The following TTC39C variants were observed in gnomAD, a reference collection of about 807,000 sequenced individuals.
TTC39C encodes the protein tetratricopeptide repeat domain 39C.
TTC39C carries 33 observed loss-of-function variants against 76.3 expected under a neutral mutation model. That is an observed-to-expected ratio of 0.43 (90% CI 0.33 to 0.58). TTC39C has a LOEUF of 0.58. Among genes scored for constraint, TTC39C ranks in the 20% least tolerant of loss-of-function variants. The probability of loss-of-function intolerance (pLI) is 0.04; values close to 1 mark genes in which losing one functional copy is unlikely to be tolerated. For missense variants in TTC39C, 595 were observed against 701.4 expected (o/e 0.85, Z 1.71); for synonymous variants, 254 against 260.6 (o/e 0.97, Z 0.24).
intron 6 of TTC39C, among the ~76,000 whole-genome samples, chr18:24,107,010 C>A (rs1254995180): frequency 6.6e-6 from 1 of 152,098 alleles, no homozygotes; most frequent in Non-Finnish European, 1.5e-5. Context: ...GCAATATAGT[C>A]TGGGCCAAAT....
chr18:24,030,075 G>A (rs545079924), intron 1 of TTC39C, among the ~76,000 whole-genome samples: 1 of 152,076 alleles, frequency 6.6e-6, no homozygotes, highest in African/African-American at 2.4e-5. Flanking sequence ...TTAAGGAATC[G>A]CCGTACTGTT....
intron 1 of TTC39C, among the ~76,000 whole-genome samples, chr18:24,027,310 C>A (rs2083610825): frequency 6.6e-6 from 1 of 151,962 alleles, no homozygotes; most frequent in Admixed American, 6.6e-5. Flanking sequence ...AACTAAAATT[C>A]ATGCTGCACA....
chr18:24,125,281 T>C, intron 9 of TTC39C, 146 bp from the exon 10 acceptor site: 1 of 1,077,532 alleles, frequency 9.3e-7, no homozygotes. Context: ...ACATTTTTTA[T>C]AGAGAGAAGA....
Position 24,014,931 on chromosome 18 carries a change from AGCGGCG to A in TTC39C, c.70_75del (p.Ala24_Ala25del). On this transcript the variant is annotated inframe_deletion, in exon 1 of 14. Transcript: ENST00000317571. ...GGGACGACGGAGACTCGGACGCGGC[AGCGGCG>A]GCGGCGGCGCCCCTGCAGGACGCGG... 6.6e-7 allele frequency: 1 copy of A among 1,523,538 alleles called. No individual in the cohort carries two copies. The highest frequency in any genetic ancestry group is 8.8e-7 in the Non-Finnish European group (1 of 1,135,544). 94.4% of individuals were successfully genotyped at this position (1,523,538 alleles called of 1,614,324 possible). A position where few individuals can be genotyped will look rare whatever the true frequency, so the allele number is the denominator to read the frequency against.
chr18:24,022,198 C>T (rs542170498), intron 1 of TTC39C, among the ~76,000 whole-genome samples: 45 of 151,894 alleles, frequency 3.0e-4, no homozygotes, highest in Admixed American at 1.7e-3. Context: ...TGGTATCCGC[C>T]GGGGGTCCTG....
At chr18:24,009,430 A>G (rs2083379301) in intron 1 of TTC39C, among the ~76,000 whole-genome samples, 1 of 152,180 alleles carries the variant, frequency 6.6e-6, no homozygotes, top group African/African-American at 2.4e-5. Context: ...GAAGTAATGG[A>G]CATTCACCCA....
chr18:24,093,035 G>A (rs2084545051), intron 6 of TTC39C, among the ~76,000 whole-genome samples: 1 of 152,154 alleles, frequency 6.6e-6, no homozygotes, highest in Non-Finnish European at 1.5e-5. Flanking sequence ...ACGAGACCCT[G>A]TTTCAAAAAT....
At chr18:24,027,094 C>G (rs2083607896) in intron 1 of TTC39C, among the ~76,000 whole-genome samples, 1 of 152,042 alleles carries the variant, frequency 6.6e-6, no homozygotes, top group Non-Finnish European at 1.5e-5. Context: ...GAGTTCGAGA[C>G]CAGCCTGGCC....
intron 1 of TTC39C, among the ~76,000 whole-genome samples, chr18:24,023,014 G>A (rs920841895): frequency 2.0e-5 from 3 of 152,202 alleles, no homozygotes; most frequent in Non-Finnish European, 4.4e-5. Context: ...CTAGAGTTGG[G>A]TAATACCTGG....
At chr18:24,027,701 G>A (rs8085130) in intron 1 of TTC39C, among the ~76,000 whole-genome samples, 145,289 of 152,126 alleles carry the variant, frequency 0.96, 69,617 homozygotes, top group East Asian at 1. Context: ...CTGGGATTAC[G>A]GGCCTGTGCC....
At position 24,124,566 on chromosome 18, in the gene TTC39C, A is replaced by G. The variant is rs2085022427; in HGVS notation, c.1296+623A>G. On this transcript the variant is annotated intron_variant, in intron 9 of 13. Transcript: ENST00000317571. ...TCCTATGTATTCTGTACTTCTGTGA[A>G]TACAATGTTGCCGTATTACCTTGAG... 2.0e-5 allele frequency among the ~76,000 whole-genome samples: 3 copies of G among 152,360 alleles called. No individual in the cohort carries two copies. In the South Asian group the frequency reaches 6.2e-4, roughly 32 times the overall value.
In TTC39C at chr18:24,060,032, C is replaced by T. The variant is rs545893942; in HGVS notation, c.168-4108C>T. Among the ~76,000 whole-genome samples, 6 of 143,278 alleles carry T rather than the reference C, an allele frequency of 4.2e-5. No homozygotes were observed. In the South Asian group the frequency reaches 1.3e-3, roughly 32 times the overall value. 94.0% of individuals were successfully genotyped at this position (143,278 alleles called of 152,430 possible). ...TGATTCAATTATCTCCCACCAGCTCCCTCCCACAACACTTGGGAATTATGG... is the reference window on the plus strand; with the variant it reads ...TGATTCAATTATCTCCCACCAGCTCTCTCCCACAACACTTGGGAATTATGG... On this transcript the variant is annotated intron_variant, in intron 1 of 13. Coordinates refer to ENST00000317571, the MANE Select transcript of TTC39C (RefSeq NM_001135993.2).
At chr18:24,066,284 A>G in intron 3 of TTC39C, 144 bp downstream of exon 3, 1 of 1,125,978 alleles carries the variant, frequency 8.9e-7, no homozygotes, top group South Asian at 1.7e-5. Context: ...GTTTTTGGTT[A>G]TATAAAATGT....
chr18:24,075,144 C>T (rs1258732985), intron 4 of TTC39C, among the ~76,000 whole-genome samples: 1 of 148,222 alleles, frequency 6.7e-6, no homozygotes, highest in African/African-American at 2.5e-5. Flanking sequence ...ACACCGGGGC[C>T]TGTCGTGGGG....
At chr18:24,119,139 T>C (rs911632644) in intron 8 of TTC39C, among the ~76,000 whole-genome samples, 5 of 152,224 alleles carry the variant, frequency 3.3e-5, no homozygotes, top group Admixed American at 3.3e-4. Context: ...AGTGTTTTTT[T>C]GCCCATGTAT....
upstream of TTC39C, among the ~76,000 whole-genome samples, chr18:24,012,670 C>T (rs1212209369): frequency 6.6e-6 from 1 of 152,140 alleles, no homozygotes; most frequent in African/African-American, 2.4e-5. Context: ...GACTAGACTG[C>T]TTCAGGGATC....
intron 1 of TTC39C, among the ~76,000 whole-genome samples, chr18:24,033,680 A>G (rs1827918349): frequency 6.6e-6 from 1 of 152,234 alleles, no homozygotes; most frequent in Admixed American, 6.5e-5. Context: ...ATTTTCAGTT[A>G]CTACTGTGTA....
intron 1 of TTC39C, among the ~76,000 whole-genome samples, chr18:24,023,933 CATATATAT>C (rs201670543): frequency 1.1e-4 from 6 of 55,276 alleles, no homozygotes; most frequent in African/African-American, 4.0e-4. Flanking sequence ...AATAAAATTA[CATATATAT>C]ATATGCATGT....
At chr18:24,073,185 T>C (rs1301226797) in intron 4 of TTC39C, among the ~76,000 whole-genome samples, 3 of 152,216 alleles carry the variant, frequency 2.0e-5, no homozygotes, top group Non-Finnish European at 4.4e-5. Flanking sequence ...TGCTTCCCTC[T>C]GGGCCACACT....
Sources: allele counts gnomAD v4.1 joint callset (sites outside exome capture counted in the v4.1 genomes callset), GRCh38; gene constraint gnomAD v4.1.1; transcripts MANE v1.5; gene names NCBI Gene and HGNC (gene_info 2026-07-23, HGNC 2026-07-21).